LIFR: variants seen among roughly 807,000 people sequenced by gnomAD.
LIFR encodes LIF receptor subunit alpha.
In LIFR, 84 loss-of-function variants were observed where a neutral mutation model predicts 122.2. The ratio of observed to expected loss-of-function variants is 0.69; its 90% confidence interval spans 0.58 to 0.82. The LOEUF is 0.82. LIFR is among the 40% of genes least tolerant of loss of function. The pLI is 0.00. For missense variants in LIFR, 1,294 were observed against 1,311.6 expected, an observed-to-expected ratio of 0.99 and a Z score of 0.21; for synonymous variants, 422 against 434.7, an observed-to-expected ratio of 0.97 and a Z score of 0.36.
chr5:38,532,563 A>G (rs1408018054), intron 1 of LIFR, among the ~76,000 whole-genome samples: 2 of 151,924 alleles, frequency 1.3e-5, no homozygotes, highest in Admixed American at 1.3e-4. Context: ...GAGGAAGGCG[A>G]TGCCCAGGGA....
chr5:38,526,335 T>G (rs1328522326), intron 4 of LIFR, among the ~76,000 whole-genome samples: 1 of 152,088 alleles, frequency 6.6e-6, no homozygotes, highest in Non-Finnish European at 1.5e-5. Flanking sequence ...ACCCAAATTT[T>G]CAGGTGATTT....
At chr5:38,555,762 C>T (rs1748490611) in intron 1 of LIFR, among the ~76,000 whole-genome samples, 1 of 152,052 alleles carries the variant, frequency 6.6e-6, no homozygotes, top group African/African-American at 2.4e-5. Flanking sequence ...CATGTAAATT[C>T]AGAACACGTG....
chr5:38,492,907 T>G (rs1744671838), intron 14 of LIFR, among the ~76,000 whole-genome samples: 1 of 152,172 alleles, frequency 6.6e-6, no homozygotes, highest in Non-Finnish European at 1.5e-5. Context: ...GGGCTCTAAT[T>G]CCTAAGGACA....
intron 1 of LIFR, among the ~76,000 whole-genome samples, chr5:38,576,073 T>G (rs1299310520): frequency 2.6e-5 from 4 of 152,166 alleles, no homozygotes; most frequent in Non-Finnish European, 5.9e-5. Flanking sequence ...GCCCACATAC[T>G]AATGCCGTGG....
At chr5:38,550,298 G>GA (rs201849705) in intron 1 of LIFR, 11,627 of 822,498 alleles carry the variant, frequency 0.014, 13 homozygotes, top group Middle Eastern at 0.021. Flanking sequence ...AAGCACAACT[G>GA]AAAAAAAAAC....
At chr5:38,508,420 T>C (rs1646454380) in intron 7 of LIFR, among the ~76,000 whole-genome samples, 1 of 152,178 alleles carries the variant, frequency 6.6e-6, no homozygotes, top group Non-Finnish European at 1.5e-5. Flanking sequence ...TGTTCATAGT[T>C]TGGGAGATAC....
At chr5:38,606,676 G>T (rs895357475) in intron 1 of LIFR, among the ~76,000 whole-genome samples, 75 of 152,322 alleles carry the variant, frequency 4.9e-4, no homozygotes, top group African/African-American at 1.6e-3. Flanking sequence ...TGAGTAAACA[G>T]GCTCAGAGGT....
At chr5:38,587,553 C>T (rs1749790708) in intron 1 of LIFR, among the ~76,000 whole-genome samples, 1 of 151,438 alleles carries the variant, frequency 6.6e-6, no homozygotes, top group Non-Finnish European at 1.5e-5. Flanking sequence ...TAGGCAGGGA[C>T]CAGATGCTGT....
intron 15 of LIFR, 88 bp from the exon 16 acceptor site, chr5:38,489,333 A>C: frequency 9.7e-7 from 1 of 1,031,502 alleles, no homozygotes; most frequent in Admixed American, 1.9e-5. Flanking sequence ...AGCCTCAAAA[A>C]TAATTCAACT....
intron 5 of LIFR, among the ~76,000 whole-genome samples, chr5:38,516,514 C>T (rs1746090729): frequency 6.6e-6 from 1 of 152,178 alleles, no homozygotes; most frequent in Non-Finnish European, 1.5e-5. Flanking sequence ...GAGATACCAT[C>T]TCATGCCAGT....
chr5:38,586,172 C>T (rs1444194237), intron 1 of LIFR, among the ~76,000 whole-genome samples: 4 of 152,094 alleles, frequency 2.6e-5, no homozygotes, highest in African/African-American at 7.2e-5. Flanking sequence ...TCTTGTCACC[C>T]GGGTGTCAAT....
intron 5 of LIFR, among the ~76,000 whole-genome samples, chr5:38,520,134 G>GT (rs751060435): frequency 2.0e-5 from 3 of 151,742 alleles, no homozygotes; most frequent in Non-Finnish European, 4.4e-5. Flanking sequence ...CAATATATAA[G>GT]TTTTTTTTGT....
intron 5 of LIFR, among the ~76,000 whole-genome samples, chr5:38,513,646 G>C (rs1745921887): frequency 6.6e-6 from 1 of 152,112 alleles, no homozygotes; most frequent in Non-Finnish European, 1.5e-5. Context: ...ATCCTCACCA[G>C]GTAATAGTCT....
At chr5:38,579,564 G>A (rs1006471934) in intron 1 of LIFR, 8 of 152,076 alleles carry the variant, frequency 5.3e-5, no homozygotes, top group African/African-American at 1.9e-4. Context: ...CAGAAGTCCT[G>A]CAATAGAAAA....
At chr5:38,505,569 T>C (rs1026527083) in intron 9 of LIFR, among the ~76,000 whole-genome samples, 2 of 152,156 alleles carry the variant, frequency 1.3e-5, no homozygotes, top group African/African-American at 2.4e-5. Flanking sequence ...CCACTGGGAA[T>C]AGCCAGGGGA....
At chr5:38,541,289 A>G (rs1335532682) in intron 1 of LIFR, among the ~76,000 whole-genome samples, 10 of 152,246 alleles carry the variant, frequency 6.6e-5, no homozygotes. Context: ...AAAATCCTAC[A>G]GACACAGAGG....
At chr5:38,490,772 G>A (rs1249515886) in intron 14 of LIFR, 4 of 152,334 alleles carry the variant, frequency 2.6e-5, no homozygotes, top group African/African-American at 9.7e-5. Flanking sequence ...GCTAATTTTT[G>A]TATTTTTAGT....
intron 1 of LIFR, among the ~76,000 whole-genome samples, chr5:38,562,692 G>C (rs4608943): frequency 0.3 from 46,338 of 152,068 alleles, 7,474 homozygotes; most frequent in East Asian, 0.42. Flanking sequence ...CAGGGGTGGT[G>C]GAGTGGTTCA....
chr5:38,592,976 G>C (rs62352210), intron 1 of LIFR, among the ~76,000 whole-genome samples: 50,597 of 151,800 alleles, frequency 0.33, 9,366 homozygotes, highest in Middle Eastern at 0.43. Flanking sequence ...AGACCGAGGC[G>C]GATAGATCAC....
Sources: allele counts gnomAD v4.1 joint callset (sites outside exome capture counted in the v4.1 genomes callset), GRCh38; gene constraint gnomAD v4.1.1; transcripts MANE v1.5; gene names NCBI Gene and HGNC (gene_info 2026-07-23, HGNC 2026-07-21).